Variants in MTHFD1L observed in about 807,000 individuals in gnomAD.
MTHFD1L encodes the protein methylenetetrahydrofolate dehydrogenase (NADP+ dependent) 1 like, also known as monofunctional C1-tetrahydrofolate synthase, mitochondrial.
Under a neutral mutation model 119.5 loss-of-function variants are expected in MTHFD1L, and 81 were observed. The observed-to-expected ratio is 0.68, with a 90% CI of 0.57 to 0.82. MTHFD1L has a LOEUF of 0.82. Among genes scored for constraint, MTHFD1L ranks in the 40% least tolerant of loss-of-function variants. MTHFD1L has a pLI of 0.00. For missense variants in MTHFD1L, 1,125 were observed against 1,253.4 expected (o/e 0.90, Z 1.55); for synonymous variants, 430 against 475.2 (o/e 0.90, Z 1.24).
intron 26 of MTHFD1L, among the ~76,000 whole-genome samples, chr6:151,067,084 C>T (rs957555411): frequency 3.2e-4 from 48 of 150,840 alleles, no homozygotes; most frequent in Non-Finnish European, 6.0e-4. Context: ...ACCTCTGCCT[C>T]CTGGGTTTAA....
In MTHFD1L at chr6:150,865,714, G is replaced by A; in HGVS notation, c.-109G>A. 4 of 890,004 alleles carry A rather than the reference G, an allele frequency of 4.5e-6. No individual in the cohort carries two copies. The highest frequency in any genetic ancestry group is 5.6e-6 in the Non-Finnish European group (4 of 709,916). The allele number at this position is 890,004 out of a possible 1,614,324, so 55.1% of individuals were successfully genotyped here. A position where few individuals can be genotyped will look rare whatever the true frequency, so the allele number is the denominator to read the frequency against. On this transcript the variant is annotated 5_prime_UTR_variant, in exon 1 of 28. Transcript: ENST00000367321. The stretch of plus-strand genomic sequence containing the variant: ...CCCCTGGGACGAGGAGGAAGCGCCA[G>A]GTCCTTCCCGCCGCCGCCGCCGCCG...
At chr6:150,980,120 G>A (rs9371487) in intron 20 of MTHFD1L, among the ~76,000 whole-genome samples, 58,094 of 151,780 alleles carry the variant, frequency 0.38, 12,600 homozygotes, top group East Asian at 0.63. Flanking sequence ...CAGGTTTTTT[G>A]TCTTTAGTAA....
At chr6:151,036,676 A>G (rs920248422) in intron 25 of MTHFD1L, among the ~76,000 whole-genome samples, 1 of 152,172 alleles carries the variant, frequency 6.6e-6, no homozygotes, top group African/African-American at 2.4e-5. Flanking sequence ...GCTTTGCCTG[A>G]AAATAGCCAT....
intron 26 of MTHFD1L, among the ~76,000 whole-genome samples, chr6:151,071,627 A>T (rs558450209): frequency 1.2e-4 from 18 of 152,152 alleles, no homozygotes; most frequent in Non-Finnish European, 2.4e-4. Flanking sequence ...GACTTGCCCA[A>T]AAATTACAAG....
At chr6:151,081,385 G>A (rs1793145074) in intron 26 of MTHFD1L, among the ~76,000 whole-genome samples, 1 of 151,990 alleles carries the variant, frequency 6.6e-6, no homozygotes. Context: ...GGGCGCAGTG[G>A]CTCACACCTG....
intron 26 of MTHFD1L, among the ~76,000 whole-genome samples, chr6:151,044,464 G>T (rs527361625): frequency 6.6e-6 from 1 of 151,724 alleles, no homozygotes; most frequent in Non-Finnish European, 1.5e-5. Context: ...ACTACGCCCC[G>T]CTAGTTTTTT....
chr6:150,963,128 C>T (rs1017104660), intron 18 of MTHFD1L, among the ~76,000 whole-genome samples: 9 of 152,046 alleles, frequency 5.9e-5, no homozygotes, highest in Non-Finnish European at 1.2e-4. Flanking sequence ...GTTGGCCAGG[C>T]TGGTCTCGAA....
At chr6:151,041,209 A>G (rs938902512) in intron 26 of MTHFD1L, among the ~76,000 whole-genome samples, 2 of 152,238 alleles carry the variant, frequency 1.3e-5, no homozygotes, top group African/African-American at 4.8e-5. Flanking sequence ...TTTCTATGAC[A>G]GAGCAGGAAG....
rs369382408 is a variant in MTHFD1L, at chr6:150,879,175, G to A, written c.417+1349G>A. ...TGTTTGCCACACTTGCCATTGTAGC[G>A]TGGTACAAATATGAAGTGTTAAATA... On this transcript the variant is annotated intron_variant, in intron 4 of 27. Coordinates refer to ENST00000367321, the MANE Select transcript of MTHFD1L (RefSeq NM_015440.5). Among the ~76,000 whole-genome samples, 6 of 152,292 alleles carry A rather than the reference G, an allele frequency of 3.9e-5. 1 individual carries two copies. The highest frequency in any genetic ancestry group is 4.1e-4 in the South Asian group (2 of 4,828).
At chr6:150,923,544 C>CTTTTTTCTTTTTTT (rs1789412074) in intron 10 of MTHFD1L, among the ~76,000 whole-genome samples, 1 of 53,228 alleles carries the variant, frequency 1.9e-5, no homozygotes, top group African/African-American at 6.0e-5. Context: ...TTTATTTTTT[C>CTTTTTTCTTTTTTT]TTTTTTTTTT....
At chr6:151,005,241 ACAG>A (rs1781217372) in intron 20 of MTHFD1L, among the ~76,000 whole-genome samples, 2 of 152,094 alleles carry the variant, frequency 1.3e-5, no homozygotes, top group Non-Finnish European at 2.9e-5. Context: ...GCACAGATAC[ACAG>A]CACTCCACAG....
chr6:151,098,968 G>A (rs1259334133), intron 27 of MTHFD1L, among the ~76,000 whole-genome samples: 9 of 152,054 alleles, frequency 5.9e-5, no homozygotes, highest in African/African-American at 2.2e-4. Flanking sequence ...CTGAGGTCAG[G>A]AGTTCAAGAC....
intron 20 of MTHFD1L, among the ~76,000 whole-genome samples, chr6:150,977,902 CTTT>C (rs11355188): frequency 2.1e-5 from 3 of 141,090 alleles, no homozygotes; most frequent in Non-Finnish European, 1.5e-5. Flanking sequence ...ATATATACAC[CTTT>C]TTTTTTTTTT....
At chr6:150,923,537 A>ATTTATTTATTTATTTATTTATTTTT (rs1254981530) in intron 10 of MTHFD1L, among the ~76,000 whole-genome samples, 1 of 95,206 alleles carries the variant, frequency 1.1e-5, no homozygotes, top group African/African-American at 5.1e-5. Context: ...TTATTTATTT[A>ATTTATTTATTTATTTATTTATTTTT]TTTTTTCTTT....
At chr6:150,869,897 G>A (rs947852801) in intron 1 of MTHFD1L, among the ~76,000 whole-genome samples, 2 of 152,072 alleles carry the variant, frequency 1.3e-5, no homozygotes, top group African/African-American at 4.8e-5. Context: ...AGCCTCCCAA[G>A]TAGCTGGGAT....
chr6:151,084,265 T>C (rs991289175), intron 26 of MTHFD1L, among the ~76,000 whole-genome samples: 1 of 152,094 alleles, frequency 6.6e-6, no homozygotes, highest in African/African-American at 2.4e-5. Context: ...GAGATGTGGA[T>C]ATTTGGCCCG....
At chr6:151,011,330 T>G (rs1038319991) in intron 21 of MTHFD1L, among the ~76,000 whole-genome samples, 1 of 152,222 alleles carries the variant, frequency 6.6e-6, no homozygotes, top group African/African-American at 2.4e-5. Flanking sequence ...TTTTAAAAAC[T>G]ACTTCCGCCC....
At chr6:150,928,376 C>T (rs1343996356) in intron 11 of MTHFD1L, among the ~76,000 whole-genome samples, 26 of 132,744 alleles carry the variant, frequency 2.0e-4, no homozygotes, top group South Asian at 5.3e-4. Context: ...GCGGAGCTTG[C>T]GGTGAGCCAA....
At chr6:150,878,521 G>C (rs779365586) in intron 4 of MTHFD1L, among the ~76,000 whole-genome samples, 4 of 152,142 alleles carry the variant, frequency 2.6e-5, no homozygotes, top group Non-Finnish European at 5.9e-5. Context: ...CAAAGTGCTG[G>C]GATTACAAGT....
Sources: allele counts gnomAD v4.1 joint callset (sites outside exome capture counted in the v4.1 genomes callset), GRCh38; gene constraint gnomAD v4.1.1; transcripts MANE v1.5; gene names NCBI Gene and HGNC (gene_info 2026-07-23, HGNC 2026-07-21).